TRERF1: variants seen among roughly 807,000 people sequenced by gnomAD.
TRERF1 encodes the protein transcriptional-regulating factor 1.
Under a neutral mutation model 122.9 loss-of-function variants are expected in TRERF1, and 27 were observed. The ratio of observed to expected loss-of-function variants is 0.22; its 90% CI spans 0.16 to 0.30. TRERF1 has a LOEUF of 0.30. TRERF1 is among the 10% of genes least tolerant of loss of function. The pLI, the probability that TRERF1 is intolerant of heterozygous loss-of-function variation, is 1.00. For missense variants in TRERF1, 1,248 were observed against 1,560.3 expected (o/e 0.80, Z 3.37); for synonymous variants, 636 against 641.7 (o/e 0.99, Z 0.13).
intron 3 of TRERF1, among the ~76,000 whole-genome samples, chr6:42,343,564 G>A (rs1289671601): frequency 2.6e-5 from 4 of 152,152 alleles, no homozygotes; most frequent in African/African-American, 9.7e-5. Flanking sequence ...TCTAGACACT[G>A]GTCCTCCCAA....
chr6:42,331,882 A>T (rs1189973694), intron 3 of TRERF1, among the ~76,000 whole-genome samples: 1 of 152,220 alleles, frequency 6.6e-6, no homozygotes, highest in Non-Finnish European at 1.5e-5. Context: ...CCAAAGAGTT[A>T]GGAATGAGGA....
At chr6:42,329,875 G>A (rs1035091152) in intron 3 of TRERF1, among the ~76,000 whole-genome samples, 1 of 151,976 alleles carries the variant, frequency 6.6e-6, no homozygotes, top group Admixed American at 6.6e-5. Context: ...TGTAATCCCA[G>A]CTACTCCGGA....
At chr6:42,248,701 C>T (rs187159788) in intron 13 of TRERF1, among the ~76,000 whole-genome samples, 2,401 of 152,272 alleles carry the variant, frequency 0.016, 71 homozygotes, top group African/African-American at 0.055. Flanking sequence ...CCCATGAATA[C>T]TCAGCAGAAG....
chr6:42,282,335 C>T (rs1782442953), intron 4 of TRERF1, among the ~76,000 whole-genome samples: 1 of 152,110 alleles, frequency 6.6e-6, no homozygotes, highest in South Asian at 2.1e-4. Context: ...ATTGTTTCAG[C>T]CAAGGAGTTA....
intron 2 of TRERF1, among the ~76,000 whole-genome samples, chr6:42,446,963 C>CCA (rs1787630313): frequency 6.6e-6 from 1 of 152,170 alleles, no homozygotes; most frequent in Admixed American, 6.5e-5. Flanking sequence ...TGAGATTGAG[C>CCA]CACAGCACTC....
In TRERF1 at chr6:42,264,863, G is replaced by C; in HGVS notation, c.1485-9C>G. 1 of 1,613,912 alleles carries C rather than the reference G, an allele frequency of 6.2e-7. No individual in the cohort carries two copies. Among genetic ancestry groups the C allele is most frequent in the Non-Finnish European group, 8.5e-7 (1 of 1,179,896 alleles). The stretch of plus-strand genomic sequence containing the variant: ...CTCCTTTGGGTTGGCCACTGCTCAA[G>C]GGAAGAGTCAAATGGAGAGGACACA... On this transcript the variant is annotated splice_polypyrimidine_tract_variant and intron_variant, in intron 6 of 17. Coordinates refer to ENST00000372922, the Ensembl canonical transcript of TRERF1.
chr6:42,433,742 G>A (rs1384510421), intron 2 of TRERF1, among the ~76,000 whole-genome samples: 1 of 152,276 alleles, frequency 6.6e-6, no homozygotes, highest in African/African-American at 2.4e-5. Flanking sequence ...CAAGGGCCAG[G>A]CATGGTGGCT....
chr6:42,348,590 A>G (rs1768793422), intron 3 of TRERF1, among the ~76,000 whole-genome samples: 1 of 152,130 alleles, frequency 6.6e-6, no homozygotes, highest in Admixed American at 6.6e-5. Flanking sequence ...CTCAAGCTAA[A>G]CAAATTTCAT....
intron 15 of TRERF1, among the ~76,000 whole-genome samples, chr6:42,239,516 C>T (rs780951059): frequency 6.6e-6 from 1 of 152,180 alleles, no homozygotes; most frequent in Admixed American, 6.5e-5. Flanking sequence ...CCTTTCAAAC[C>T]TCCTTCTTTT....
At chr6:42,373,808 G>C (rs1170810072) in intron 2 of TRERF1, among the ~76,000 whole-genome samples, 1 of 145,702 alleles carries the variant, frequency 6.9e-6, no homozygotes, top group Non-Finnish European at 1.5e-5. Context: ...TCCAGCCTGG[G>C]CAACAAGAGC....
In TRERF1 at chr6:42,380,078, G is replaced by A. The variant is rs548997574; in HGVS notation, c.-453-16999C>T. Among the ~76,000 whole-genome samples, 4 of 152,316 alleles carry A rather than the reference G, an allele frequency of 2.6e-5. No individual in the cohort carries two copies. In the South Asian group the frequency reaches 8.3e-4, roughly 32 times the overall value. The stretch of plus-strand genomic sequence containing the variant: ...GGGCAGAGGTCTCTGGGGGAAGAGT[G>A]GAGTCAGCCATGCAGATACCTGGGG... On this transcript the variant is annotated intron_variant, in intron 2 of 17. Transcript: ENST00000372922.
chr6:42,228,514 AGCAG>A lies in TRERF1; in HGVS notation c.3430_3433del (p.Leu1144CysfsTer6). On this transcript the variant is annotated frameshift_variant, in exon 18 of 18. Transcript: ENST00000372922. LOFTEE classifies it high-confidence loss of function. This position sits in a 1 kb window ranked among gnomAD's most constrained non-coding sequence, Gnocchi z 4.2. ...GATCAGACTCAGCTGGTCCAGGGGC[AGCAG>A]CCCCGGCGCCCCCACGGGCCCCGTA... 1 of 1,614,136 alleles carries A rather than the reference AGCAG, an allele frequency of 6.2e-7. No homozygotes were observed. Among genetic ancestry groups the A allele is most frequent in the Non-Finnish European group, 8.5e-7 (1 of 1,180,014 alleles).
At chr6:42,346,860 C>G (rs1297892932) in intron 3 of TRERF1, among the ~76,000 whole-genome samples, 1 of 152,158 alleles carries the variant, frequency 6.6e-6, no homozygotes, top group Non-Finnish European at 1.5e-5. Flanking sequence ...CGTTAGCACC[C>G]CTGGGGCCAA....
intron 14 of TRERF1, among the ~76,000 whole-genome samples, chr6:42,245,456 G>A (rs989405066): frequency 2.6e-5 from 4 of 152,230 alleles, no homozygotes; most frequent in African/African-American, 9.6e-5. Context: ...GCCAGTGGGT[G>A]CTATCAACTG....
intron 3 of TRERF1, among the ~76,000 whole-genome samples, chr6:42,314,851 A>G (rs1442345192): frequency 6.6e-6 from 1 of 152,218 alleles, no homozygotes; most frequent in Non-Finnish European, 1.5e-5. Flanking sequence ...GGAGGAAAGC[A>G]GTAGGAACAA....
chr6:42,437,823 C>T (rs1323479214), intron 2 of TRERF1, among the ~76,000 whole-genome samples: 1 of 152,134 alleles, frequency 6.6e-6, no homozygotes, highest in Non-Finnish European at 1.5e-5. Flanking sequence ...GATAAGAATG[C>T]CTTCCTCATG....
intron 12 of TRERF1, among the ~76,000 whole-genome samples, chr6:42,256,273 C>T (rs897885254): frequency 2.0e-5 from 3 of 151,860 alleles, no homozygotes; most frequent in Non-Finnish European, 1.5e-5. Flanking sequence ...AGTTGGTGAA[C>T]AGTAAACACT....
Position 42,268,142 on chromosome 6 carries a change from A to G in TRERF1, c.1437+12T>C, listed in dbSNP as rs146369299. 2.6e-4 allele frequency: 373 copies of G among 1,440,376 alleles called. 1 individual carries two copies. In the African/African-American group the frequency reaches 3.4e-3, roughly 13 times the overall value. The allele number at this position is 1,440,376 out of a possible 1,614,324, so 89.2% of individuals were successfully genotyped here. On this transcript the variant is annotated intron_variant, in intron 5 of 17. Transcript: ENST00000372922. The surrounding 1 kb of genome is among the most constrained non-coding windows in gnomAD (Gnocchi z 4.4). ...CACTGGGTATTGAGAGAAACTTCCA[A>G]TGGGAGAATACCTGGGGCCACATGG...
In TRERF1 at chr6:42,258,205, A is replaced by T; in HGVS notation, c.2270-4T>A. 6.2e-7 allele frequency: 1 copy of T among 1,614,142 alleles called. No individual in the cohort carries two copies. The highest frequency in any genetic ancestry group is 8.5e-7 in the Non-Finnish European group (1 of 1,179,994). On this transcript the variant is annotated splice_region_variant and splice_polypyrimidine_tract_variant and intron_variant, in intron 9 of 17. Coordinates refer to ENST00000372922, the Ensembl canonical transcript of TRERF1. ...ACGTTGCTGCCATCGATGCTGTCTAAAACACAAAAATCAGAGGTCACTAGT... is the reference window on the plus strand; with the variant it reads ...ACGTTGCTGCCATCGATGCTGTCTATAACACAAAAATCAGAGGTCACTAGT...
Sources: gnomAD v4.1 joint callset for allele counts (sites outside exome capture counted in the v4.1 genomes callset) on GRCh38, gnomAD v4.1.1 for gene constraint, Gnocchi (gnomAD v3.1) non-coding constraint, MANE v1.5 for transcripts, NCBI Gene and HGNC (gene_info 2026-07-23, HGNC 2026-07-21) for gene names.